GRM4: variants seen among roughly 807,000 people sequenced by gnomAD.
GRM4 encodes the protein glutamate metabotropic receptor 4.
Under a neutral mutation model 81.7 loss-of-function variants are expected in GRM4, and 28 were observed. The observed-to-expected ratio is 0.34, with a 90% CI of 0.25 to 0.47. The LOEUF is 0.47. GRM4 is among the 20% of genes least tolerant of loss of function. The pLI, the probability that GRM4 is intolerant of heterozygous loss-of-function variation, is 1.00. For missense variants in GRM4, 948 were observed against 1,290.0 expected (o/e 0.73, Z 4.06); for synonymous variants, 488 against 528.8 (o/e 0.92, Z 1.06).
At position 34,035,293 on chromosome 6, in the gene GRM4, G is replaced by T. The variant is rs1021613420; in HGVS notation, c.2442+375C>A. 7.1e-6 allele frequency among the ~76,000 whole-genome samples: 1 copy of T among 141,174 alleles called. No individual in the cohort carries two copies. The highest frequency in any genetic ancestry group is 2.9e-5 in the African/African-American group (1 of 35,022). 92.6% of individuals were successfully genotyped at this position (141,174 alleles called of 152,430 possible). ...GGGGTAAGGGCAGCAGGGATGGAGA[G>T]ACAGGGAGAAAGAGGAGGAGGGGGA... is the stretch of plus-strand genomic sequence containing the variant. On this transcript the variant is annotated intron_variant, in intron 9 of 10. Transcript: ENST00000538487. The surrounding 1 kb of genome is among the most constrained non-coding windows in gnomAD (Gnocchi z 6.6).
Position 34,092,011 on chromosome 6 carries a change from G to C in GRM4, c.608C>G (p.Thr203Arg). 3 of 1,613,950 alleles carry C rather than the reference G, an allele frequency of 1.9e-6. No homozygotes were observed. Among genetic ancestry groups the C allele is most frequent in the Non-Finnish European group, 2.5e-6 (3 of 1,179,796 alleles). The change falls in exon 3 of 11, where the codon ACG (threonine) becomes AGG (arginine). Residue 203 changes from threonine to arginine, a missense_variant. Transcript: ENST00000538487. The surrounding 1 kb of genome is among the most constrained non-coding windows in gnomAD (Gnocchi z 6.8). ...DFFSRVVPSD[T>R]YQAQAMVDIV... Reference sequence around the variant, plus strand: ...GTCCACCATGGCCTGGGCCTGGTACGTGTCCGAGGGCACCACGCGGGAGAA... The same window carrying C: ...GTCCACCATGGCCTGGGCCTGGTACCTGTCCGAGGGCACCACGCGGGAGAA...
At position 34,082,626 on chromosome 6, in the gene GRM4, C is replaced by T. The variant is rs140361276; in HGVS notation, c.736+9257G>A. Among the ~76,000 whole-genome samples the T allele has an allele frequency of 6.8e-3, 1,033 of 152,344 alleles. 9 individuals carry two copies. Among genetic ancestry groups the T allele is most frequent in the South Asian group, 0.026 (124 of 4,820 alleles). ...TCAGCCCGCCTCCCAGCCCAGGGCCCGCTGCCCTGCTCCTATTCTCTGGTT... is the reference window on the plus strand; with the variant it reads ...TCAGCCCGCCTCCCAGCCCAGGGCCTGCTGCCCTGCTCCTATTCTCTGGTT... On this transcript the variant is annotated intron_variant, in intron 3 of 10. Coordinates refer to ENST00000538487, the MANE Select transcript of GRM4 (RefSeq NM_000841.4).
rs534167314 is a variant in GRM4 at position 34,129,481 on chromosome 6, G to C, written c.519+3497C>G. 8.5e-5 allele frequency among the ~76,000 whole-genome samples: 13 copies of C among 152,340 alleles called. No homozygotes were observed. The South Asian group carries it at 2.5e-3, about 29-fold the overall frequency. ...TACAGGCTACAACCACTGGGCTTGG[G>C]TGCCCACCAAAAGGTATTCTTCACA... On this transcript the variant is annotated intron_variant, in intron 2 of 10. Coordinates refer to ENST00000538487, the MANE Select transcript of GRM4 (RefSeq NM_000841.4).
In GRM4 at chr6:34,058,887, C is replaced by T. The variant is rs1349389523; in HGVS notation, c.1027+87G>A. The T allele has an allele frequency of 1.4e-5, 14 of 1,009,648 alleles. No homozygotes were observed. In the South Asian group the frequency reaches 1.9e-4, roughly 14 times the overall value. The allele number at this position is 1,009,648 out of a possible 1,614,324, so 62.5% of individuals were successfully genotyped here. On this transcript the variant is annotated intron_variant, in intron 5 of 10. Coordinates refer to ENST00000538487, the MANE Select transcript of GRM4 (RefSeq NM_000841.4). ...AGAAAAGGAAGGATATGGAAAGAGG[C>T]GGAGCAGAAGGGGAAGGAAGCCGAG...
chr6:34,024,385 C>G (rs1764031494), intron 10 of GRM4: 1 of 260,890 alleles, frequency 3.8e-6, no homozygotes, highest in African/African-American at 2.2e-5. Flanking sequence ...AATGGAGCAA[C>G]AAGATGGAAG....
upstream of GRM4, among the ~76,000 whole-genome samples, chr6:34,148,900 G>A (rs374803170): frequency 6.6e-5 from 10 of 152,306 alleles, no homozygotes; most frequent in East Asian, 1.9e-3. Flanking sequence ...GCCCGTTCCT[G>A]CACCAGTCCT....
chr6:34,122,434 C>CCGG (rs1164960375), intron 2 of GRM4, among the ~76,000 whole-genome samples: 1 of 152,132 alleles, frequency 6.6e-6, no homozygotes, highest in African/African-American at 2.4e-5. Flanking sequence ...AGCATAGAGG[C>CCGG]CGGCCCTGCC....
intron 1 of GRM4, among the ~76,000 whole-genome samples, chr6:34,135,544 T>A (rs1028065686): frequency 1.3e-5 from 2 of 152,194 alleles, no homozygotes; most frequent in African/African-American, 4.8e-5. Flanking sequence ...AGTTTCATAA[T>A]ACCACCCTCT....
intron 2 of GRM4, among the ~76,000 whole-genome samples, chr6:34,110,202 G>A (rs1464929363): frequency 6.6e-6 from 1 of 151,688 alleles, no homozygotes; most frequent in African/African-American, 2.4e-5. Context: ...GCTGAGGTAC[G>A]AGGATCGCTT....
chr6:34,140,335 G>A (rs1367300553), intron 1 of GRM4, among the ~76,000 whole-genome samples: 3 of 90,692 alleles, frequency 3.3e-5, no homozygotes, highest in South Asian at 6.3e-4. Context: ...GGGTTGATGC[G>A]ATGAAGTCAG....
chr6:34,123,805 G>A (rs898761032), intron 2 of GRM4, among the ~76,000 whole-genome samples: 1 of 152,212 alleles, frequency 6.6e-6, no homozygotes, highest in African/African-American at 2.4e-5. Context: ...TGGCCCCAGG[G>A]TCCATGCGGC....
At chr6:34,104,959 G>A (rs1561815902) in intron 2 of GRM4, among the ~76,000 whole-genome samples, 1 of 152,186 alleles carries the variant, frequency 6.6e-6, no homozygotes, top group South Asian at 2.1e-4. Flanking sequence ...CTGGGGTGTC[G>A]GTAACTGCAC....
intron 2 of GRM4, among the ~76,000 whole-genome samples, chr6:34,094,673 T>TTGCTGGCCTC (rs1357557686): frequency 1.3e-5 from 2 of 152,314 alleles, no homozygotes; most frequent in Admixed American, 6.5e-5. Context: ...TTTACCTCTC[T>TTGCTGGCCTC]TGCTGGCCTC....
chr6:34,150,827 A>G (rs1771030401), upstream of GRM4, among the ~76,000 whole-genome samples: 1 of 152,246 alleles, frequency 6.6e-6, no homozygotes. Context: ...TCCTCCTGCC[A>G]CTGGGCAGAG....
In GRM4 at chr6:34,112,927, C is replaced by T. The variant is rs142210511; in HGVS notation, c.519+20051G>A. ...GCAGCTTTGAATCCACTTATGTTTT[C>T]GCCAGGGCCATCTTTTGGAGTCACA... On this transcript the variant is annotated intron_variant, in intron 2 of 10. Transcript: ENST00000538487. Among the ~76,000 whole-genome samples, 1,191 of 152,342 alleles carry T rather than the reference C, an allele frequency of 7.8e-3. 16 individuals are homozygous for T. Among genetic ancestry groups the T allele is most frequent in the African/African-American group, 0.025 (1,040 of 41,568 alleles).
At chr6:34,056,330 G>A (rs1480145046) in intron 6 of GRM4, 8 of 579,412 alleles carry the variant, frequency 1.4e-5, no homozygotes, top group Non-Finnish European at 2.5e-5. Flanking sequence ...CACTCCCAAG[G>A]ATCTCAAGGC....
intron 2 of GRM4, among the ~76,000 whole-genome samples, chr6:34,099,232 CGG>C (rs1768702914): frequency 6.6e-6 from 1 of 152,180 alleles, no homozygotes; most frequent in African/African-American, 2.4e-5. Context: ...CCAAGGAGAG[CGG>C]GACTTTCCTG....
intron 10 of GRM4, among the ~76,000 whole-genome samples, chr6:34,025,891 G>A (rs1222879677): frequency 1.3e-5 from 2 of 152,198 alleles, no homozygotes; most frequent in Non-Finnish European, 2.9e-5. Flanking sequence ...TGGGCAGAAG[G>A]ACAGGGCTGG....
chr6:34,135,426 G>A (rs2127512893), intron 1 of GRM4, among the ~76,000 whole-genome samples: 1 of 152,304 alleles, frequency 6.6e-6, no homozygotes, highest in East Asian at 1.9e-4. Context: ...TGAACCGGTA[G>A]CCCAGAGGTA....
Sources: gnomAD v4.1 joint callset for allele counts (sites outside exome capture counted in the v4.1 genomes callset) on GRCh38, gnomAD v4.1.1 for gene constraint, Gnocchi (gnomAD v3.1) non-coding constraint, MANE v1.5 for transcripts, NCBI Gene and HGNC (gene_info 2026-07-23, HGNC 2026-07-21) for gene names.